Variants in SDK1 observed in about 807,000 individuals in gnomAD.
SDK1 encodes the protein sidekick cell adhesion molecule 1.
A neutral mutation model predicts 245.5 loss-of-function variants in SDK1; 157 were observed. The ratio of observed to expected loss-of-function variants is 0.64; its 90% CI spans 0.56 to 0.73. The LOEUF (loss-of-function observed/expected upper bound fraction) is 0.73. SDK1 is among the 30% of genes least tolerant of loss of function. SDK1 has a pLI of 0.00. For missense variants in SDK1, 3,583 were observed against 3,002.3 expected, an observed-to-expected ratio of 1.19 and a Z score of -4.52; for synonymous variants, 1,647 against 1,278.5, an observed-to-expected ratio of 1.29 and a Z score of -6.15.
intron 1 of SDK1, among the ~76,000 whole-genome samples, chr7:3,522,813 G>A (rs796158342): frequency 2.6e-5 from 4 of 152,236 alleles, no homozygotes; most frequent in African/African-American, 9.6e-5. Flanking sequence ...TTGTTTCCGT[G>A]TTGATCCATT....
chr7:4,105,098 T>G (rs926459274), intron 22 of SDK1, among the ~76,000 whole-genome samples: 8 of 152,044 alleles, frequency 5.3e-5, no homozygotes, highest in African/African-American at 1.9e-4. Flanking sequence ...TTCTCCTGCC[T>G]CAGCCTCCCA....
chr7:3,376,455 G>A (rs1021819616), intron 1 of SDK1, among the ~76,000 whole-genome samples: 1 of 152,090 alleles, frequency 6.6e-6, no homozygotes, highest in South Asian at 2.1e-4. Flanking sequence ...TCAGTAAGAA[G>A]ACTCTATAAA....
chr7:3,369,234 C>A (rs562762344), intron 1 of SDK1, among the ~76,000 whole-genome samples: 5 of 151,832 alleles, frequency 3.3e-5, no homozygotes, highest in Admixed American at 3.3e-4. Context: ...TTAGTAGAGA[C>A]GGGGTTTCAC....
In SDK1 at chr7:3,970,575, T is replaced by A. The variant is rs1311962685; in HGVS notation, c.1715-891T>A. Among the ~76,000 whole-genome samples the A allele has an allele frequency of 3.3e-5, 5 of 152,336 alleles. No individual in the cohort carries two copies. In the East Asian group the frequency reaches 7.7e-4, roughly 23 times the overall value. On this transcript the variant is annotated intron_variant, in intron 11 of 44. Coordinates refer to ENST00000404826, the MANE Select transcript of SDK1 (RefSeq NM_152744.4). ...CTTGAGCAGTAGGATATTAAAAAGC[T>A]TATGAAAAAGTGGTATCTGAATCTC...
chr7:3,795,047 C>G (rs1015762370), intron 4 of SDK1, among the ~76,000 whole-genome samples: 7 of 152,170 alleles, frequency 4.6e-5, no homozygotes, highest in African/African-American at 1.7e-4. Context: ...TTATTTCTTG[C>G]AGCAGTCCTG....
rs573040043 is a variant in SDK1, at chr7:3,349,213, A to C, written c.298+47329A>C. On this transcript the variant is annotated intron_variant, in intron 1 of 44. Coordinates refer to ENST00000404826, the MANE Select transcript of SDK1 (RefSeq NM_152744.4). ...TAAAAAAAAACAACAAAAAAAACAC[A>C]ACAAAACAAACACACAACAGCCTAT... Among the ~76,000 whole-genome samples the C allele has an allele frequency of 1.4e-3, 209 of 152,052 alleles. 4 individuals carry two copies. Among genetic ancestry groups the C allele is most frequent in the African/African-American group, 4.9e-3 (203 of 41,410 alleles).
chr7:3,972,625 A>T (rs1012658402), intron 12 of SDK1, among the ~76,000 whole-genome samples: 1 of 152,238 alleles, frequency 6.6e-6, no homozygotes, highest in Non-Finnish European at 1.5e-5. Flanking sequence ...GAAGGGGCAC[A>T]GTGCATGAGT....
intron 35 of SDK1, among the ~76,000 whole-genome samples, chr7:4,193,588 C>G (rs1025381273): frequency 1.3e-4 from 19 of 151,832 alleles, no homozygotes; most frequent in Admixed American, 7.2e-4. Flanking sequence ...GAGTCCCATT[C>G]TTTTTCGGTC....
In SDK1 at chr7:3,463,808, C is replaced by T. The variant is rs117199733; in HGVS notation, c.299-155272C>T. ...TCTGATGGCTTTTAACATGTTCCCT[C>T]CAGGACAGGCCATAGGAGGAGGGTC... On this transcript the variant is annotated intron_variant, in intron 1 of 44. Transcript: ENST00000404826. 5.2e-3 allele frequency among the ~76,000 whole-genome samples: 794 copies of T among 152,290 alleles called. 1 individual carries two copies. The highest frequency in any genetic ancestry group is 0.014 in the Middle Eastern group (4 of 294).
rs1333215702 is a variant in SDK1, at chr7:4,227,023, C to A, written c.5827+5659C>A. ...CAGGTCCCGTGCCTGATGGGGACAC[C>A]CCCCAGCCGGAGGCCTGGACTGCTG... On this transcript the variant is annotated intron_variant, in intron 40 of 44. Coordinates refer to ENST00000404826, the MANE Select transcript of SDK1 (RefSeq NM_152744.4). 7 of 180,304 alleles carry A rather than the reference C, an allele frequency of 3.9e-5. No individual in the cohort carries two copies. In the Admixed American group the frequency reaches 4.1e-4, roughly 11 times the overall value. 11.2% of individuals were successfully genotyped at this position (180,304 alleles called of 1,614,324 possible).
intron 4 of SDK1, among the ~76,000 whole-genome samples, chr7:3,767,999 C>T (rs928558078): frequency 6.6e-6 from 1 of 152,196 alleles, no homozygotes; most frequent in Non-Finnish European, 1.5e-5. Flanking sequence ...GGTGCTGTTA[C>T]TTTCATCCCT....
intron 4 of SDK1, among the ~76,000 whole-genome samples, chr7:3,773,902 A>C (rs1165063717): frequency 6.6e-6 from 1 of 152,174 alleles, no homozygotes; most frequent in Non-Finnish European, 1.5e-5. Context: ...GAGAAAGAGA[A>C]AAATTAGGGG....
chr7:3,663,566 C>A (rs538625832), intron 4 of SDK1, among the ~76,000 whole-genome samples: 1 of 152,208 alleles, frequency 6.6e-6, no homozygotes, highest in Admixed American at 6.5e-5. Flanking sequence ...GCTGTTTAGA[C>A]CATGTGGCCA....
chr7:3,675,147 C>T, intron 4 of SDK1, among the ~76,000 whole-genome samples: 1 of 152,174 alleles, frequency 6.6e-6, no homozygotes, highest in African/African-American at 2.4e-5. Context: ...CAAACCTGCT[C>T]CACCCATAGT....
intron 5 of SDK1, among the ~76,000 whole-genome samples, chr7:3,890,327 C>G (rs979591064): frequency 6.6e-6 from 1 of 152,342 alleles, no homozygotes. Flanking sequence ...GTGAAATACA[C>G]AGCAGATTGC....
At chr7:3,431,987 C>T (rs1424516255) in intron 1 of SDK1, among the ~76,000 whole-genome samples, 1 of 151,582 alleles carries the variant, frequency 6.6e-6, no homozygotes, top group African/African-American at 2.4e-5. Context: ...ATTATACATC[C>T]CAGTTTACAA....
intron 5 of SDK1, among the ~76,000 whole-genome samples, chr7:3,893,442 G>A (rs561013950): frequency 4.6e-5 from 7 of 152,018 alleles, no homozygotes; most frequent in South Asian, 2.1e-4. Context: ...TAAATGAGCC[G>A]GTGCATGCAA....
chr7:3,641,487 AT>A (rs1782645816), intron 3 of SDK1, among the ~76,000 whole-genome samples: 1 of 152,146 alleles, frequency 6.6e-6, no homozygotes, highest in African/African-American at 2.4e-5. Flanking sequence ...CTCCCAAAAG[AT>A]CTGTGCAGGA....
At chr7:3,475,843 C>G (rs1303640682) in intron 1 of SDK1, among the ~76,000 whole-genome samples, 1 of 152,176 alleles carries the variant, frequency 6.6e-6, no homozygotes, top group Non-Finnish European at 1.5e-5. Flanking sequence ...CTCTCTGGCT[C>G]TCTGTGGCAT....
Sources: gnomAD v4.1 joint callset for allele counts (sites outside exome capture counted in the v4.1 genomes callset) on GRCh38, gnomAD v4.1.1 for gene constraint, MANE v1.5 for transcripts, NCBI Gene and HGNC (gene_info 2026-07-23, HGNC 2026-07-21) for gene names.